The following PROKR2 variants were observed in gnomAD, a reference collection of about 807,000 sequenced individuals.
PROKR2 encodes prokineticin receptor 2.
A neutral mutation model predicts 23.4 loss-of-function variants in PROKR2; 26 were observed. The observed-to-expected ratio is 1.11, with a 90% confidence interval of 0.81 to 1.54. The LOEUF (loss-of-function observed/expected upper bound fraction) is 1.54, where lower values mean the gene tolerates loss of function less well. PROKR2 is among the 40% of genes most tolerant of loss of function. The pLI is 0.00. For synonymous variants in PROKR2, 212 were observed against 201.2 expected (o/e 1.05, Z -0.45); for missense variants, 453 against 511.5 (o/e 0.89, Z 1.10).
In PROKR2 at chr20:5,301,925, G is replaced by T. The variant is rs573681481; in HGVS notation, c.*115C>A. On this transcript the variant is annotated 3_prime_UTR_variant, in exon 3 of 3. Coordinates refer to ENST00000678254, the MANE Select transcript of PROKR2 (RefSeq NM_144773.4). The stretch of plus-strand genomic sequence containing the variant: ...CTTTGCAGCATTCAGCTTCTTGAGG[G>T]CACGGGGGAGGCATGAACACAGATG... 18 of 932,680 alleles carry T rather than the reference G, an allele frequency of 1.9e-5. No homozygotes were observed. Among genetic ancestry groups the T allele is most frequent in the Non-Finnish European group, 2.8e-5 (17 of 615,054 alleles). The allele number at this position is 932,680 out of a possible 1,614,324, so 57.8% of individuals were successfully genotyped here. A position where few individuals can be genotyped will look rare whatever the true frequency, so the allele number is the denominator to read the frequency against.
chr20:5,302,749 G>A lies in PROKR2; in HGVS notation c.459-13C>T, dbSNP rs376096683. 1.9e-6 allele frequency: 3 copies of A among 1,599,074 alleles called. No homozygotes were observed. The highest frequency in any genetic ancestry group is 2.6e-6 in the Non-Finnish European group (3 of 1,166,596). ...GATGGCGAGATATCTGGTGGGGGAG[G>A]GAAGCCAACAGTAGTAATGATGAAT... is the stretch of plus-strand genomic sequence containing the variant. On this transcript the variant is annotated splice_polypyrimidine_tract_variant and intron_variant, in intron 2 of 2. Coordinates refer to ENST00000678254, the MANE Select transcript of PROKR2 (RefSeq NM_144773.4).
chr20:5,301,769 G>A lies in PROKR2; in HGVS notation c.*271C>T, dbSNP rs1452337236. Among the ~76,000 whole-genome samples, 1 of 152,216 alleles carries A rather than the reference G, an allele frequency of 6.6e-6. No homozygotes were observed. The highest frequency in any genetic ancestry group is 2.4e-5 in the African/African-American group (1 of 41,444). On this transcript the variant is annotated 3_prime_UTR_variant, in exon 3 of 3. Transcript: ENST00000678254. ...TTGGTGTGGTTTGCACACAGTACATGTTCAGTCCATGTCAGTTGCTGCTCC... is the reference window on the plus strand; with the variant it reads ...TTGGTGTGGTTTGCACACAGTACATATTCAGTCCATGTCAGTTGCTGCTCC...
At position 5,302,380 on chromosome 20, in the gene PROKR2, T is replaced by G. The variant is rs188744190; in HGVS notation, c.815A>C (p.Lys272Thr). Reference sequence around the variant, plus strand: ...AATGCACATGAGCACCAGGACCGTCTTCCTGCGGCAGCGCAGCCGCTTGCG... The same window carrying G: ...AATGCACATGAGCACCAGGACCGTCGTCCTGCGGCAGCGCAGCCGCTTGCG... ...QIRKRLRCRR[K>T]TVLVLMCILT... The change falls in exon 3 of 3, where the codon AAG becomes ACG. Residue 272 changes from lysine (K) to threonine (T), a missense_variant. Lys to Thr is a moderately conservative substitution (Grantham distance 78, BLOSUM62 -1). Coordinates refer to ENST00000678254, the MANE Select transcript of PROKR2 (RefSeq NM_144773.4). 1.2e-6 allele frequency: 2 copies of G among 1,614,246 alleles called. No individual in the cohort carries two copies. Among genetic ancestry groups the G allele is most frequent in the African/African-American group, 2.7e-5 (2 of 75,072 alleles).
At chr20:5,307,710 G>A (rs1046641228) in intron 2 of PROKR2, among the ~76,000 whole-genome samples, 2 of 152,200 alleles carry the variant, frequency 1.3e-5, no homozygotes, top group Non-Finnish European at 2.9e-5. Context: ...GAAATGGCAA[G>A]AAGTATGGCA....
chr20:5,311,065 A>C (rs1418208410), intron 2 of PROKR2, among the ~76,000 whole-genome samples: 1 of 152,236 alleles, frequency 6.6e-6, no homozygotes, highest in African/African-American at 2.4e-5. Flanking sequence ...TTTTGTAAGC[A>C]ATGAAATGTT....
At chr20:5,305,323 T>C (rs1979177750) in intron 2 of PROKR2, among the ~76,000 whole-genome samples, 1 of 152,206 alleles carries the variant, frequency 6.6e-6, no homozygotes, top group Admixed American at 6.5e-5. Flanking sequence ...AAGCTGTGAG[T>C]CTTCTGCCTG....
chr20:5,311,419 G>T (rs1979439034), intron 2 of PROKR2, among the ~76,000 whole-genome samples: 1 of 152,180 alleles, frequency 6.6e-6, no homozygotes, highest in Admixed American at 6.5e-5. Context: ...CCACTCTGTT[G>T]TCTGTGGTGT....
intron 2 of PROKR2, among the ~76,000 whole-genome samples, chr20:5,305,620 C>T (rs537127338): frequency 3.9e-5 from 6 of 152,058 alleles, no homozygotes; most frequent in Middle Eastern, 3.4e-3. Flanking sequence ...ATAAACAAGG[C>T]AAAGCAGCTT....
rs1183294681 is a variant in PROKR2, at chr20:5,300,369, C to G, written c.*1671G>C. Among the ~76,000 whole-genome samples the G allele has an allele frequency of 6.6e-6, 1 of 152,028 alleles. No homozygotes were observed. Among genetic ancestry groups the G allele is most frequent in the Non-Finnish European group, 1.5e-5 (1 of 67,984 alleles). On this transcript the variant is annotated 3_prime_UTR_variant, in exon 3 of 3. Transcript: ENST00000678254. ...ACCAAGAACAGGGATCCCTTTTTGG[C>G]CCACTGTAGACAAGGTACACTGTGA...
chr20:5,312,873 T>C (rs1337428813), intron 2 of PROKR2, among the ~76,000 whole-genome samples: 3 of 152,348 alleles, frequency 2.0e-5, no homozygotes, highest in South Asian at 2.1e-4. Flanking sequence ...ACTGCTATTA[T>C]ACATTTTACT....
At chr20:5,304,249 T>C (rs1979131377) in intron 2 of PROKR2, among the ~76,000 whole-genome samples, 1 of 152,168 alleles carries the variant, frequency 6.6e-6, no homozygotes, top group Non-Finnish European at 1.5e-5. Flanking sequence ...AGTTCCCTGT[T>C]AGAATACACC....
Position 5,311,518 on chromosome 20 carries a change from T to C in PROKR2, c.458+2394A>G, listed in dbSNP as rs1056771274. Among the ~76,000 whole-genome samples, 26 of 152,170 alleles carry C rather than the reference T, an allele frequency of 1.7e-4. 1 individual carries two copies. The highest frequency in any genetic ancestry group is 6.3e-4 in the African/African-American group (26 of 41,424). ...AGCATTATAAAGACAAAGGTTTCAGTGGGACAAGGGGAATGGGAACAGTGC... is the reference window on the plus strand; with the variant it reads ...AGCATTATAAAGACAAAGGTTTCAGCGGGACAAGGGGAATGGGAACAGTGC... On this transcript the variant is annotated intron_variant, in intron 2 of 2. Coordinates refer to ENST00000678254, the MANE Select transcript of PROKR2 (RefSeq NM_144773.4).
chr20:5,314,298 G>A lies in PROKR2; in HGVS notation c.72C>T (p.Leu24=), dbSNP rs375646689. 1 of 1,614,122 alleles carries A rather than the reference G, an allele frequency of 6.2e-7. No homozygotes were observed. The highest frequency in any genetic ancestry group is 1.3e-5 in the African/African-American group (1 of 74,928). The change falls in exon 2 of 3, where the codon CTC becomes CTT. Residue 24 remains leucine (L), a synonymous_variant. Transcript: ENST00000678254. ...AATCACCATAACTGAAGTTAAAGGA[G>A]AGGGAGGAGGCATGGTCTTGGGGTG... ...FNPPQDHASS[L]SFNFSYGDYD...
At chr20:5,314,521 G>C in intron 1 of PROKR2, 144 bp from the exon 2 acceptor site, 1 of 745,304 alleles carries the variant, frequency 1.3e-6, no homozygotes, top group Non-Finnish European at 2.4e-6. Flanking sequence ...GGCACAACCA[G>C]TGGGCAACAT....
chr20:5,308,145 G>T (rs184365571), intron 2 of PROKR2, among the ~76,000 whole-genome samples: 1 of 152,014 alleles, frequency 6.6e-6, no homozygotes, highest in Non-Finnish European at 1.5e-5. Context: ...AGCTGCCTTT[G>T]CTTTTATCGA....
Position 5,299,884 on chromosome 20 carries a change from C to T in PROKR2, c.*2156G>A, listed in dbSNP as rs542415653. Among the ~76,000 whole-genome samples the T allele has an allele frequency of 6.2e-4, 95 of 152,254 alleles. No individual in the cohort carries two copies. Among genetic ancestry groups the T allele is most frequent in the African/African-American group, 2.1e-3 (87 of 41,546 alleles). On this transcript the variant is annotated 3_prime_UTR_variant, in exon 3 of 3. Coordinates refer to ENST00000678254, the MANE Select transcript of PROKR2 (RefSeq NM_144773.4). ...AGGTGATCTGCCCATCTTGGCCTCC[C>T]GAAGTGCTGGGATTACAGATGTGAG...
chr20:5,304,513 G>C (rs7270472), intron 2 of PROKR2, among the ~76,000 whole-genome samples: 61,831 of 151,980 alleles, frequency 0.41, 12,687 homozygotes, highest in East Asian at 0.52. Flanking sequence ...CATTCAGGCT[G>C]CTTGCAATGC....
chr20:5,309,050 C>A (rs924377851), intron 2 of PROKR2, among the ~76,000 whole-genome samples: 2 of 152,160 alleles, frequency 1.3e-5, no homozygotes, highest in Non-Finnish European at 2.9e-5. Context: ...TGCTGGGGTT[C>A]TTCAGCCATG....
At chr20:5,310,578 CAG>C (rs1419624367) in intron 2 of PROKR2, among the ~76,000 whole-genome samples, 2 of 37,106 alleles carry the variant, frequency 5.4e-5, no homozygotes, top group East Asian at 1.8e-3. Flanking sequence ...AGAACCTGAT[CAG>C]AGAAGAGGAT....
Sources: gnomAD v4.1 joint callset for allele counts (sites outside exome capture counted in the v4.1 genomes callset) on GRCh38, gnomAD v4.1.1 for gene constraint, MANE v1.5 for transcripts, NCBI Gene and HGNC (gene_info 2026-07-23, HGNC 2026-07-21) for gene names.